Variants in CFI observed in about 807,000 individuals in gnomAD.
CFI encodes complement factor I, also known as C3B/C4B inactivator.
A neutral mutation model predicts 78.8 loss-of-function variants in CFI; 66 were observed. That is an observed-to-expected ratio of 0.84 (90% CI 0.69 to 1.03). CFI has a LOEUF of 1.03. CFI is among the 50% of genes least tolerant of loss of function. The pLI, the probability that CFI is intolerant of heterozygous loss-of-function variation, is 0.00. For missense variants in CFI, 706 were observed against 704.5 expected (o/e 1.00, Z -0.02); for synonymous variants, 250 against 232.6 (o/e 1.07, Z -0.68).
At chr4:109,773,310 A>C (rs1728819101) in intron 1 of CFI, among the ~76,000 whole-genome samples, 1 of 152,092 alleles carries the variant, frequency 6.6e-6, no homozygotes, top group African/African-American at 2.4e-5. Flanking sequence ...GGTGGATCAC[A>C]AAGTCAGGAG....
Position 109,749,475 on chromosome 4 carries a change from T to C in CFI, c.1044+24A>G, listed in dbSNP as rs200398915. On this transcript the variant is annotated intron_variant, in intron 9 of 12. Coordinates refer to ENST00000394634, the MANE Select transcript of CFI (RefSeq NM_000204.5). ...TTTAGGCTGTTTCTGGGCAGTTGCA[T>C]TGTGACTTTTCATGCGACTTTACCA... is the stretch of plus-strand genomic sequence containing the variant. The C allele has an allele frequency of 3.3e-5, 52 of 1,585,068 alleles. No homozygotes were observed. In the African/African-American group the frequency reaches 5.6e-4, roughly 17 times the overall value.
chr4:109,752,017 C>A (rs1012760171), intron 8 of CFI, among the ~76,000 whole-genome samples: 2 of 152,128 alleles, frequency 1.3e-5, no homozygotes, highest in Non-Finnish European at 2.9e-5. Context: ...TGGCTTTTAG[C>A]GCACAACTGG....
intron 11 of CFI, among the ~76,000 whole-genome samples, chr4:109,744,836 G>A (rs1157700009): frequency 1.3e-5 from 2 of 152,144 alleles, no homozygotes; most frequent in African/African-American, 2.4e-5. Flanking sequence ...TGATGGATAA[G>A]TAAGGGTTTA....
At chr4:109,739,895 G>A (rs1413176710), downstream of CFI, among the ~76,000 whole-genome samples, 1 of 152,216 alleles carries the variant, frequency 6.6e-6, no homozygotes, top group Non-Finnish European at 1.5e-5. Context: ...CACCATGGAG[G>A]TAGGTGGTTG....
intron 7 of CFI, among the ~76,000 whole-genome samples, chr4:109,754,213 A>G (rs1479200001): frequency 6.6e-6 from 1 of 151,034 alleles, no homozygotes; most frequent in African/African-American, 2.4e-5. Flanking sequence ...TGAACTCCTG[A>G]CCTCGTGATC....
chr4:109,745,957 G>A (rs777150857), intron 11 of CFI, among the ~76,000 whole-genome samples: 1 of 152,164 alleles, frequency 6.6e-6, no homozygotes, highest in Non-Finnish European at 1.5e-5. Flanking sequence ...AAATGGAAAT[G>A]TGGAATGGGG....
intron 1 of CFI, among the ~76,000 whole-genome samples, chr4:109,767,914 A>G (rs1168135347): frequency 1.3e-5 from 2 of 152,188 alleles, no homozygotes; most frequent in Non-Finnish European, 2.9e-5. Flanking sequence ...CAGATTAAGA[A>G]AATGTGGCAT....
At chr4:109,739,832 C>A (rs116867327), downstream of CFI, among the ~76,000 whole-genome samples, 957 of 152,154 alleles carry the variant, frequency 6.3e-3, 27 homozygotes, top group East Asian at 0.063. Context: ...GAGTGTGATG[C>A]CCTGAGGGGC....
intron 6 of CFI, 122 bp from the exon 7 acceptor site, chr4:109,757,905 A>C: frequency 6.5e-6 from 9 of 1,394,118 alleles, no homozygotes; most frequent in Non-Finnish European, 8.7e-6. Context: ...TTCTTCGGTA[A>C]TATAATTTTT....
At chr4:109,790,140 A>G (rs1178621611) in intron 1 of CFI, among the ~76,000 whole-genome samples, 1 of 151,950 alleles carries the variant, frequency 6.6e-6, no homozygotes, top group Admixed American at 6.6e-5. Context: ...TTATTTCTGT[A>G]AGATCAGTAG....
chr4:109,745,018 C>T (rs935967673), intron 11 of CFI, among the ~76,000 whole-genome samples: 2 of 152,128 alleles, frequency 1.3e-5, no homozygotes, highest in Admixed American at 6.5e-5. Flanking sequence ...AGATTAATTT[C>T]TACATATATT....
intron 1 of CFI, among the ~76,000 whole-genome samples, chr4:109,776,412 C>T (rs527710430): frequency 4.6e-5 from 7 of 151,988 alleles, no homozygotes; most frequent in Middle Eastern, 3.4e-3. Context: ...CGAGAAGAGA[C>T]GTTTAGAGAA....
At chr4:109,771,151 G>C (rs535207864) in intron 1 of CFI, among the ~76,000 whole-genome samples, 9 of 152,190 alleles carry the variant, frequency 5.9e-5, no homozygotes, top group African/African-American at 2.2e-4. Context: ...CAGCACTTTG[G>C]GAGGCTGAGG....
chr4:109,758,222 T>C (rs62324897), intron 6 of CFI, among the ~76,000 whole-genome samples: 146,936 of 151,508 alleles, frequency 0.97, 71,411 homozygotes, highest in Non-Finnish European at 1. Flanking sequence ...ACACGCCTTC[T>C]AAAGTGTTGG....
At chr4:109,743,858 C>T (rs560579695) in intron 11 of CFI, among the ~76,000 whole-genome samples, 4 of 152,014 alleles carry the variant, frequency 2.6e-5, no homozygotes, top group African/African-American at 9.6e-5. Flanking sequence ...ATTAGCCAGG[C>T]ATGGTGGTCC....
intron 1 of CFI, among the ~76,000 whole-genome samples, chr4:109,780,991 C>T (rs930604592): frequency 1.3e-5 from 2 of 152,144 alleles, no homozygotes; most frequent in Non-Finnish European, 2.9e-5. Flanking sequence ...ACACTGGGGC[C>T]TGTCATGGGG....
At chr4:109,765,454 A>G (rs555009303) in intron 2 of CFI, among the ~76,000 whole-genome samples, 1 of 152,326 alleles carries the variant, frequency 6.6e-6, no homozygotes, top group Admixed American at 6.5e-5. Context: ...CCCTGCATAC[A>G]TTGTTTTATT....
At chr4:109,794,664 G>A (rs1392495425) in intron 1 of CFI, among the ~76,000 whole-genome samples, 3 of 151,996 alleles carry the variant, frequency 2.0e-5, no homozygotes, top group Non-Finnish European at 4.4e-5. Context: ...GTGGTGGTGG[G>A]CACCTGTAAT....
intron 1 of CFI, among the ~76,000 whole-genome samples, chr4:109,794,716 C>T (rs527256605): frequency 6.6e-6 from 1 of 152,142 alleles, no homozygotes; most frequent in Non-Finnish European, 1.5e-5. Flanking sequence ...TTGCTTGAAC[C>T]TGGGAGGCAG....
Sources: gnomAD v4.1 joint callset for allele counts (sites outside exome capture counted in the v4.1 genomes callset) on GRCh38, gnomAD v4.1.1 for gene constraint, MANE v1.5 for transcripts, NCBI Gene and HGNC (gene_info 2026-07-23, HGNC 2026-07-21) for gene names.